The following TMTC2 variants were observed in gnomAD, a reference collection of about 807,000 sequenced individuals.
TMTC2 encodes protein O-mannosyl-transferase TMTC2.
TMTC2 carries 43 observed loss-of-function variants against 82.4 expected under a neutral mutation model. The ratio of observed to expected loss-of-function variants is 0.52; its 90% CI spans 0.41 to 0.67. The LOEUF is 0.67. Ranked by LOEUF, TMTC2 falls within the 30% of genes least tolerant of loss-of-function variation. TMTC2 has a pLI of 0.00. For missense variants in TMTC2, 919 were observed against 1,012.4 expected, an observed-to-expected ratio of 0.91 and a Z score of 1.25; for synonymous variants, 408 against 381.9, an observed-to-expected ratio of 1.07 and a Z score of -0.80.
At chr12:82,932,324 T>A (rs1049756407) in intron 4 of TMTC2, among the ~76,000 whole-genome samples, 5 of 152,172 alleles carry the variant, frequency 3.3e-5, no homozygotes, top group African/African-American at 9.7e-5. Context: ...ATGTTTTGTG[T>A]CGGCTTTCAC....
At chr12:83,046,694 G>A (rs186230035) in intron 9 of TMTC2, among the ~76,000 whole-genome samples, 15 of 152,088 alleles carry the variant, frequency 9.9e-5, no homozygotes, top group Non-Finnish European at 2.2e-4. Context: ...ATTCTTCAGG[G>A]AAGAGCACCT....
At chr12:82,723,440 A>G (rs561101144) in intron 1 of TMTC2, among the ~76,000 whole-genome samples, 1 of 152,356 alleles carries the variant, frequency 6.6e-6, no homozygotes, top group South Asian at 2.1e-4. Flanking sequence ...GGAACTAAAA[A>G]TATTTCTGAT....
intron 3 of TMTC2, among the ~76,000 whole-genome samples, chr12:82,902,585 T>G (rs1282078558): frequency 1.3e-5 from 2 of 152,208 alleles, no homozygotes; most frequent in Non-Finnish European, 1.5e-5. Context: ...CTATTCACCT[T>G]CAAAGTCTAT....
chr12:83,097,388 C>T (rs1884065581), intron 11 of TMTC2, among the ~76,000 whole-genome samples: 1 of 152,150 alleles, frequency 6.6e-6, no homozygotes, highest in South Asian at 2.1e-4. Flanking sequence ...TCAACTGTAC[C>T]TAATTTATTT....
intron 1 of TMTC2, among the ~76,000 whole-genome samples, chr12:82,773,649 C>T (rs1181598659): frequency 3.3e-5 from 5 of 151,690 alleles, no homozygotes; most frequent in African/African-American, 4.8e-5. Flanking sequence ...TTAGTAGAGA[C>T]GGGGTTTCAC....
intron 4 of TMTC2, among the ~76,000 whole-genome samples, chr12:82,938,445 A>G (rs978637680): frequency 2.0e-5 from 3 of 152,172 alleles, no homozygotes; most frequent in Non-Finnish European, 1.5e-5. Flanking sequence ...TAGTAGGGAT[A>G]TGTGTTGGGG....
intron 5 of TMTC2, 115 bp downstream of exon 5, chr12:82,965,224 A>C: frequency 1.3e-6 from 1 of 759,538 alleles, no homozygotes; most frequent in South Asian, 1.8e-5. Context: ...AATACTCGCT[A>C]ATCAGATTAT....
intron 8 of TMTC2, among the ~76,000 whole-genome samples, chr12:83,025,270 A>T (rs916701536): frequency 2.0e-5 from 3 of 152,014 alleles, no homozygotes; most frequent in Admixed American, 2.0e-4. Flanking sequence ...GTATTTATGG[A>T]ATACTTGGAT....
chr12:82,741,622 T>A (rs991775226), intron 1 of TMTC2, among the ~76,000 whole-genome samples: 1 of 152,198 alleles, frequency 6.6e-6, no homozygotes, highest in Non-Finnish European at 1.5e-5. Flanking sequence ...GCTTTTTAGC[T>A]TTTCAATTTA....
At chr12:82,700,964 A>G (rs1321028489) in intron 1 of TMTC2, among the ~76,000 whole-genome samples, 3 of 152,150 alleles carry the variant, frequency 2.0e-5, no homozygotes, top group Non-Finnish European at 4.4e-5. Context: ...GCTACCCTTT[A>G]TAAAACCATC....
At chr12:82,917,258 C>CT (rs897751942) in intron 3 of TMTC2, among the ~76,000 whole-genome samples, 22 of 152,016 alleles carry the variant, frequency 1.4e-4, no homozygotes, top group African/African-American at 2.4e-4. Context: ...CCTTTGTTTT[C>CT]TTTTTTTCCT....
chr12:82,896,653 T>C lies in TMTC2; in HGVS notation c.1483+7T>C. 1.3e-6 allele frequency: 2 copies of C among 1,581,370 alleles called. No homozygotes were observed. The highest frequency in any genetic ancestry group is 8.6e-7 in the Non-Finnish European group (1 of 1,165,446). On this transcript the variant is annotated splice_region_variant and intron_variant, in intron 3 of 11. Transcript: ENST00000321196. ...AAAGTAAACCCAGCTAAAGGTAATC[T>C]TTTATTTTATGCTTTTGTCTGGATA...
intron 1 of TMTC2, among the ~76,000 whole-genome samples, chr12:82,854,462 G>A (rs1202364533): frequency 2.0e-5 from 3 of 152,182 alleles, no homozygotes; most frequent in African/African-American, 7.2e-5. Flanking sequence ...CAGGAAGGAG[G>A]AGGGTAGGGG....
At chr12:83,124,355 T>C (rs1055147127) in intron 11 of TMTC2, among the ~76,000 whole-genome samples, 3 of 152,166 alleles carry the variant, frequency 2.0e-5, no homozygotes, top group African/African-American at 4.8e-5. Context: ...CAAACATTCA[T>C]TGAGAGTTTA....
At chr12:83,036,722 T>C (rs753580106) in intron 9 of TMTC2, among the ~76,000 whole-genome samples, 94 of 152,184 alleles carry the variant, frequency 6.2e-4, no homozygotes, top group Non-Finnish European at 1.2e-3. Context: ...CCATTTTGTG[T>C]TGCTATAACA....
At chr12:83,001,798 C>A (rs1449565410) in intron 8 of TMTC2, among the ~76,000 whole-genome samples, 1 of 152,154 alleles carries the variant, frequency 6.6e-6, no homozygotes, top group East Asian at 1.9e-4. Context: ...CAGTTCCCAA[C>A]AAGTTCCTCA....
At chr12:82,839,856 C>G (rs1369324004) in intron 1 of TMTC2, among the ~76,000 whole-genome samples, 1 of 152,134 alleles carries the variant, frequency 6.6e-6, no homozygotes, top group African/African-American at 2.4e-5. Context: ...CTCACTTAAC[C>G]TTGCTGTCAT....
At chr12:82,890,084 C>T (rs1004895161) in intron 2 of TMTC2, among the ~76,000 whole-genome samples, 2 of 152,128 alleles carry the variant, frequency 1.3e-5, no homozygotes, top group African/African-American at 4.8e-5. Context: ...TCTACCTGTT[C>T]TAGAACAGTA....
At chr12:83,075,270 C>T (rs1592730996) in intron 11 of TMTC2, among the ~76,000 whole-genome samples, 1 of 152,148 alleles carries the variant, frequency 6.6e-6, no homozygotes, top group East Asian at 1.9e-4. Context: ...TTCAAAGGGT[C>T]TGTGGGTCCT....
Sources: allele counts gnomAD v4.1 joint callset (sites outside exome capture counted in the v4.1 genomes callset), GRCh38; gene constraint gnomAD v4.1.1; transcripts MANE v1.5; gene names NCBI Gene and HGNC (gene_info 2026-07-23, HGNC 2026-07-21).